The following DDR2 variants were observed in gnomAD, a reference collection of about 807,000 sequenced individuals.
DDR2 encodes the protein discoidin domain receptor tyrosine kinase 2.
Under a neutral mutation model 94.9 loss-of-function variants are expected in DDR2, and 27 were observed. The observed-to-expected ratio is 0.28, with a 90% CI of 0.21 to 0.39. The LOEUF (loss-of-function observed/expected upper bound fraction) is 0.39. Ranked by LOEUF, DDR2 falls within the 10% of genes least tolerant of loss-of-function variation. DDR2 has a pLI of 1.00. For synonymous variants in DDR2, 382 were observed against 377.2 expected, an observed-to-expected ratio of 1.01 and a Z score of -0.15; for missense variants, 783 against 1,076.0, an observed-to-expected ratio of 0.73 and a Z score of 3.81.
rs1054572003 is a variant in DDR2, at chr1:162,752,143, TA to T, written c.83-942del. The stretch of plus-strand genomic sequence containing the variant: ...ATGTACCCTACAACTTAAAGTATAA[TA>T]AAAAAAAAAGAGAAAAGAAAAAAAA... On this transcript the variant is annotated intron_variant, in intron 3 of 17. Coordinates refer to ENST00000367921, the MANE Select transcript of DDR2 (RefSeq NM_006182.4). Among the ~76,000 whole-genome samples the T allele has an allele frequency of 9.2e-4, 109 of 118,762 alleles. No homozygotes were observed. In the East Asian group the frequency reaches 0.018, roughly 19 times the overall value. 77.9% of individuals were successfully genotyped at this position (118,762 alleles called of 152,430 possible).
At chr1:162,739,356 C>T (rs1662476230) in intron 3 of DDR2, among the ~76,000 whole-genome samples, 1 of 152,110 alleles carries the variant, frequency 6.6e-6, no homozygotes, top group East Asian at 1.9e-4. Flanking sequence ...TCTCTGTCGC[C>T]CAGGCTGGAG....
At chr1:162,713,398 G>T (rs1661014881) in intron 2 of DDR2, among the ~76,000 whole-genome samples, 1 of 152,154 alleles carries the variant, frequency 6.6e-6, no homozygotes, top group Admixed American at 6.5e-5. Flanking sequence ...CATTTTCCTT[G>T]TTGAAAATCA....
At chr1:162,771,877 A>C (rs1260855549) in intron 12 of DDR2, 147 bp from the exon 13 acceptor site, 5 of 792,472 alleles carry the variant, frequency 6.3e-6, no homozygotes, top group Non-Finnish European at 8.3e-6. Context: ...TCTCTAGAGG[A>C]AGCAAAACCA....
rs1571312849 is a variant in DDR2 at position 162,767,370 on chromosome 1, G to A, written c.1293+11G>A. On this transcript the variant is annotated intron_variant, in intron 11 of 17. Transcript: ENST00000367921. ...AAAATGCTGGAGAAGGTGAGGAGGT[G>A]CAGAATGGTCATGATATAAGAAACT... 6.2e-6 allele frequency: 10 copies of A among 1,613,512 alleles called. No individual in the cohort carries two copies. The highest frequency in any genetic ancestry group is 8.5e-6 in the Non-Finnish European group (10 of 1,179,938).
At chr1:162,760,455 C>T (rs991074680) in intron 8 of DDR2, among the ~76,000 whole-genome samples, 2 of 144,964 alleles carry the variant, frequency 1.4e-5, no homozygotes, top group South Asian at 4.3e-4. Flanking sequence ...ACCATATATA[C>T]ATATACAACT....
intron 1 of DDR2, among the ~76,000 whole-genome samples, chr1:162,642,444 C>CTG (rs1386652117): frequency 7.6e-6 from 1 of 132,248 alleles, no homozygotes; most frequent in East Asian, 2.2e-4. Context: ...GGCTAATTTT[C>CTG]TGTGTTTTTT....
At chr1:162,662,266 G>A (rs1306833069) in intron 2 of DDR2, among the ~76,000 whole-genome samples, 1 of 152,150 alleles carries the variant, frequency 6.6e-6, no homozygotes, top group Non-Finnish European at 1.5e-5. Flanking sequence ...AACCTATTGT[G>A]TAACAGGATG....
intron 3 of DDR2, among the ~76,000 whole-genome samples, chr1:162,745,889 A>T (rs542875500): frequency 6.6e-6 from 1 of 152,314 alleles, no homozygotes; most frequent in African/African-American, 2.4e-5. Context: ...AAATGCAATC[A>T]GTTGTGAATC....
At position 162,746,256 on chromosome 1, in the gene DDR2, G is replaced by T. The variant is rs145700457; in HGVS notation, c.83-6839G>T. ...GTGACAGATGGTACCTGGAAAATCG[G>T]GACACTCCCAGCCTAATACTGCGCT... On this transcript the variant is annotated intron_variant, in intron 3 of 17. Coordinates refer to ENST00000367921, the MANE Select transcript of DDR2 (RefSeq NM_006182.4). 1.9e-3 allele frequency among the ~76,000 whole-genome samples: 289 copies of T among 152,254 alleles called. 1 individual carries two copies. The highest frequency in any genetic ancestry group is 3.1e-3 in the Non-Finnish European group (214 of 68,020).
At chr1:162,742,538 T>C (rs1241574584) in intron 3 of DDR2, among the ~76,000 whole-genome samples, 1 of 152,246 alleles carries the variant, frequency 6.6e-6, no homozygotes, top group East Asian at 1.9e-4. Context: ...AGAGCTCACT[T>C]ATCACCAAGG....
intron 9 of DDR2, among the ~76,000 whole-genome samples, chr1:162,764,746 G>C (rs1663912359): frequency 6.6e-6 from 1 of 151,610 alleles, no homozygotes; most frequent in Admixed American, 6.6e-5. Context: ...AGGATCACCT[G>C]AGCCCTGGAG....
At chr1:162,699,053 G>A (rs1365088715) in intron 2 of DDR2, among the ~76,000 whole-genome samples, 2 of 148,936 alleles carry the variant, frequency 1.3e-5, no homozygotes, top group Non-Finnish European at 3.0e-5. Flanking sequence ...TTTAACCAAG[G>A]TTGTCTGCAA....
rs576570292 is a variant in DDR2 at position 162,775,722 on chromosome 1, G to A, written c.1927G>A (p.Val643Met). The A allele has an allele frequency of 6.2e-7, 1 of 1,614,116 alleles. No individual in the cohort carries two copies. Among genetic ancestry groups the A allele is most frequent in the Non-Finnish European group, 8.5e-7 (1 of 1,180,002 alleles). Residue 643 changes from valine to methionine, a missense_variant, in exon 15 of 18, where the codon GTG becomes ATG. Around this residue, in one of 2 missense-constraint regions of DDR2, gnomAD observed 264 missense variants for 428.2 expected, o/e 0.62. Coordinates refer to ENST00000367921, the MANE Select transcript of DDR2 (RefSeq NM_006182.4). Reference sequence around the variant, plus strand: ...CCCAAACATCATCCATCTATTAGCTGTGTGTATCACTGATGACCCTCTCTG... The same window carrying A: ...CCCAAACATCATCCATCTATTAGCTATGTGTATCACTGATGACCCTCTCTG... ...KDPNIIHLLA[V>M]CITDDPLCMI...
chr1:162,691,328 G>T (rs556808929), intron 2 of DDR2, among the ~76,000 whole-genome samples: 1 of 152,300 alleles, frequency 6.6e-6, no homozygotes, highest in Admixed American at 6.5e-5. Flanking sequence ...ATTGTGCATT[G>T]CCTGGTGTTC....
At chr1:162,632,739 A>G (rs1363721517) in intron 1 of DDR2, 108 bp downstream of exon 1, 1 of 152,190 alleles carries the variant, frequency 6.6e-6, no homozygotes, top group Admixed American at 6.5e-5. Flanking sequence ...AGGAAACAGA[A>G]GGGCGTTTTA....
At chr1:162,730,044 T>TTG (rs1661950567) in intron 3 of DDR2, among the ~76,000 whole-genome samples, 1 of 149,700 alleles carries the variant, frequency 6.7e-6, no homozygotes, top group South Asian at 2.1e-4. Context: ...GCCTGGCTTT[T>TTG]TTTTTTTTTT....
chr1:162,736,064 C>T (rs763782514), intron 3 of DDR2, among the ~76,000 whole-genome samples: 7 of 152,202 alleles, frequency 4.6e-5, no homozygotes, highest in Non-Finnish European at 1.0e-4. Flanking sequence ...AATCATTACA[C>T]GTCCAGGCTG....
intron 2 of DDR2, among the ~76,000 whole-genome samples, chr1:162,667,116 GT>G (rs919903359): frequency 1.3e-5 from 2 of 151,870 alleles, no homozygotes; most frequent in African/African-American, 4.8e-5. Flanking sequence ...AGAATCATTT[GT>G]TGTTTGAATA....
chr1:162,765,370 A>T (rs1350724548), intron 9 of DDR2, among the ~76,000 whole-genome samples: 3 of 152,172 alleles, frequency 2.0e-5, no homozygotes, highest in Non-Finnish European at 4.4e-5. Context: ...CTTAGAAAGG[A>T]AATACATATT....
Sources: gnomAD v4.1 joint callset for allele counts (sites outside exome capture counted in the v4.1 genomes callset) on GRCh38, gnomAD v4.1.1 for gene constraint, gnomAD v4.1.1 regional missense constraint, MANE v1.5 for transcripts, NCBI Gene and HGNC (gene_info 2026-07-23, HGNC 2026-07-21) for gene names.